Variants in KCNN2 observed in about 807,000 individuals in gnomAD.
The protein encoded by KCNN2 is potassium calcium-activated channel subfamily N member 2, also known as small conductance calcium-activated potassium channel protein 2.
KCNN2 carries 24 observed loss-of-function variants against 55.5 expected under a neutral mutation model. That is an observed-to-expected ratio of 0.43 (90% CI 0.31 to 0.61). The LOEUF (loss-of-function observed/expected upper bound fraction) is 0.61. Among genes scored for constraint, KCNN2 ranks in the 20% least tolerant of loss-of-function variants. The probability of loss-of-function intolerance (pLI) is 0.08; values close to 1 mark genes in which losing one functional copy is unlikely to be tolerated. For synonymous variants in KCNN2, 431 were observed against 336.1 expected (o/e 1.28, Z -3.09); for missense variants, 754 against 853.6 (o/e 0.88, Z 1.45).
At chr5:114,279,678 T>A (rs1017368280) in intron 2 of KCNN2, among the ~76,000 whole-genome samples, 1 of 152,200 alleles carries the variant, frequency 6.6e-6, no homozygotes, top group Admixed American at 6.5e-5. Context: ...ATGTGCCACA[T>A]TTTCTTAATC....
At chr5:114,205,311 G>A (rs1304217346) in intron 1 of KCNN2, among the ~76,000 whole-genome samples, 1 of 152,124 alleles carries the variant, frequency 6.6e-6, no homozygotes, top group Non-Finnish European at 1.5e-5. Context: ...AAGTTTACTG[G>A]GCTACTTTAC....
At position 114,110,841 on chromosome 5, in the gene KCNN2, A is replaced by C. The variant is rs1056144544; in HGVS notation, c.-271+54341A>C. 2.0e-5 allele frequency among the ~76,000 whole-genome samples: 3 copies of C among 152,162 alleles called. No homozygotes were observed. The South Asian group carries it at 6.2e-4, about 32-fold the overall frequency. ...TCAATAAAAGGATCTCTGTCCATTCATTTGCTGAATGATGGTTGAGAAGCT... is the reference window on the plus strand; with the variant it reads ...TCAATAAAAGGATCTCTGTCCATTCCTTTGCTGAATGATGGTTGAGAAGCT... On this transcript the variant is annotated intron_variant, in intron 1 of 10. Coordinates refer to the KCNN2 transcript ENST00000512097.
intron 1 of KCNN2, among the ~76,000 whole-genome samples, chr5:114,147,530 T>C (rs1752423327): frequency 6.6e-6 from 1 of 152,122 alleles, no homozygotes; most frequent in Non-Finnish European, 1.5e-5. Context: ...TGCAGGACAG[T>C]GGATGAAAGG....
At chr5:114,471,296 C>T (rs1286110682) in intron 4 of KCNN2, among the ~76,000 whole-genome samples, 1 of 146,670 alleles carries the variant, frequency 6.8e-6, no homozygotes, top group Non-Finnish European at 1.5e-5. Context: ...GGTACATCCT[C>T]CTGTGTACTT....
chr5:114,198,123 CTG>C lies in KCNN2; in HGVS notation c.-270-23355_-270-23354del, dbSNP rs1753596247. 3.3e-5 allele frequency among the ~76,000 whole-genome samples: 5 copies of C among 151,834 alleles called. No individual in the cohort carries two copies. The South Asian group carries it at 1.0e-3, about 31-fold the overall frequency. On this transcript the variant is annotated intron_variant, in intron 1 of 10. Coordinates refer to the KCNN2 transcript ENST00000512097. ...TTTTTTTAAATAAATAGTTTATTCTCTGTAGGATCTATATCTGCCATTTGTTA... is the reference window on the plus strand; with the variant it reads ...TTTTTTTAAATAAATAGTTTATTCTCTAGGATCTATATCTGCCATTTGTTA...
intron 1 of KCNN2, among the ~76,000 whole-genome samples, chr5:114,112,835 C>T (rs769076568): frequency 6.6e-6 from 1 of 152,016 alleles, no homozygotes; most frequent in Non-Finnish European, 1.5e-5. Flanking sequence ...GGGCATATTA[C>T]TTCAAAATGT....
intron 2 of KCNN2, among the ~76,000 whole-genome samples, chr5:114,390,564 A>G (rs912468192): frequency 4.6e-5 from 7 of 152,144 alleles, no homozygotes; most frequent in African/African-American, 7.2e-5. Flanking sequence ...TTGTAGTCCT[A>G]TGACCAGGCA....
chr5:114,228,405 A>G (rs1754285727), intron 2 of KCNN2, among the ~76,000 whole-genome samples: 1 of 152,130 alleles, frequency 6.6e-6, no homozygotes, highest in Non-Finnish European at 1.5e-5. Flanking sequence ...CTGCATTTCA[A>G]ATTTAAAAAT....
chr5:114,202,138 AGCTGG>A (rs1369797739), intron 1 of KCNN2, among the ~76,000 whole-genome samples: 1 of 152,028 alleles, frequency 6.6e-6, no homozygotes, highest in Non-Finnish European at 1.5e-5. Flanking sequence ...ACTCCCTAGT[AGCTGG>A]GCTGTCAAAG....
chr5:114,413,349 A>G (rs910589328), intron 3 of KCNN2, among the ~76,000 whole-genome samples: 2 of 145,632 alleles, frequency 1.4e-5, no homozygotes, highest in African/African-American at 2.8e-5. Flanking sequence ...CAGTGGCACA[A>G]TCTTGGCTCA....
chr5:114,396,323 G>A (rs1758615622), intron 2 of KCNN2, among the ~76,000 whole-genome samples: 1 of 152,152 alleles, frequency 6.6e-6, no homozygotes, highest in Non-Finnish European at 1.5e-5. Context: ...CTAATTAAGA[G>A]GGAGAAACCG....
chr5:114,328,558 G>A (rs538417831), intron 2 of KCNN2, among the ~76,000 whole-genome samples: 1 of 152,130 alleles, frequency 6.6e-6, no homozygotes, highest in Non-Finnish European at 1.5e-5. Context: ...CAGTGGAGGG[G>A]ATAAAGATCT....
At chr5:114,214,571 A>G (rs1321398789) in intron 1 of KCNN2, among the ~76,000 whole-genome samples, 3 of 152,086 alleles carry the variant, frequency 2.0e-5, no homozygotes, top group Non-Finnish European at 4.4e-5. Context: ...GTAAGGGTAG[A>G]TTCTAGTAGC....
intron 1 of KCNN2, among the ~76,000 whole-genome samples, chr5:114,125,261 A>G (rs1284014353): frequency 6.6e-6 from 1 of 152,214 alleles, no homozygotes; most frequent in Non-Finnish European, 1.5e-5. Flanking sequence ...ACCATCTTTA[A>G]AAGTCTTGAT....
At chr5:114,165,113 A>G (rs1752881434) in intron 1 of KCNN2, among the ~76,000 whole-genome samples, 1 of 152,190 alleles carries the variant, frequency 6.6e-6, no homozygotes, top group Non-Finnish European at 1.5e-5. Flanking sequence ...AACCACTGTT[A>G]TAAATAGTCA....
intron 3 of KCNN2, among the ~76,000 whole-genome samples, chr5:114,459,192 C>T (rs1027809297): frequency 6.6e-6 from 1 of 152,204 alleles, no homozygotes; most frequent in African/African-American, 2.4e-5. Context: ...GTCTTTGTCT[C>T]TGAAGCATGC....
In KCNN2 at chr5:114,362,468, C is replaced by T. The variant is rs1030491898; in HGVS notation, c.329C>T (p.Ser110Leu). The T allele has an allele frequency of 9.4e-5, 41 of 438,396 alleles. No individual in the cohort carries two copies. Among genetic ancestry groups the T allele is most frequent in the Non-Finnish European group, 1.2e-4 (29 of 249,678 alleles). 27.2% of individuals were successfully genotyped at this position (438,396 alleles called of 1,614,324 possible). ...CGCACCTCCTCGCCGCTGTCGGGCT[C>T]GTCCTGCTGCTGCTGCTGCTGCTCG... ...RTRTSSPLSG[S>L]SCCCCCCSSR... Residue 110 changes from serine (S) to leucine (L), a missense_variant, in exon 1 of 8, where the codon TCG becomes TTG. By Grantham distance (145) the Ser-to-Leu change is moderately radical. Transcript: ENST00000673685.
intron 1 of KCNN2, among the ~76,000 whole-genome samples, chr5:114,166,601 C>G (rs781710678): frequency 6.6e-6 from 1 of 152,088 alleles, no homozygotes; most frequent in African/African-American, 2.4e-5. Flanking sequence ...AAAGGTGGTA[C>G]GGTTTTCACC....
intron 1 of KCNN2, among the ~76,000 whole-genome samples, chr5:114,142,683 G>T (rs1317854673): frequency 2.6e-5 from 4 of 152,118 alleles, no homozygotes; most frequent in African/African-American, 9.7e-5. Flanking sequence ...TCTTCAAGGA[G>T]AACTACAAAC....
Sources: gnomAD v4.1 joint callset for allele counts (sites outside exome capture counted in the v4.1 genomes callset) on GRCh38, gnomAD v4.1.1 for gene constraint, MANE v1.5 for transcripts, NCBI Gene and HGNC (gene_info 2026-07-23, HGNC 2026-07-21) for gene names.